MAP4: variants seen among roughly 807,000 people sequenced by gnomAD.
The protein encoded by MAP4 is microtubule associated protein 4.
MAP4 carries 76 observed loss-of-function variants against 170.2 expected under a neutral mutation model. The ratio of observed to expected loss-of-function variants is 0.45; its 90% CI spans 0.37 to 0.54. MAP4 has a LOEUF of 0.54. Ranked by LOEUF, MAP4 falls within the 20% of genes least tolerant of loss-of-function variation. The probability of loss-of-function intolerance (pLI) is 0.00; values close to 1 mark genes in which losing one functional copy is unlikely to be tolerated. For missense variants in MAP4, 2,506 were observed against 2,748.0 expected (o/e 0.91, Z 1.97); for synonymous variants, 909 against 994.5 (o/e 0.91, Z 1.62).
At chr3:48,062,534 A>G (rs1482027136) in intron 1 of MAP4, among the ~76,000 whole-genome samples, 1 of 148,200 alleles carries the variant, frequency 6.7e-6, no homozygotes, top group Non-Finnish European at 1.5e-5. Context: ...TATGTACCCC[A>G]TGACTATGTA....
intron 2 of MAP4, among the ~76,000 whole-genome samples, chr3:47,984,073 T>C (rs927425208): frequency 6.6e-6 from 1 of 152,166 alleles, no homozygotes; most frequent in Admixed American, 6.5e-5. Flanking sequence ...GGAAGTCTCA[T>C]TTGCACATAT....
At chr3:47,947,692 T>G (rs1185299224) in intron 3 of MAP4, among the ~76,000 whole-genome samples, 1 of 150,640 alleles carries the variant, frequency 6.6e-6, no homozygotes, top group African/African-American at 2.4e-5. Context: ...GCGCCTGTAG[T>G]CCCAGTTACT....
At chr3:47,949,465 C>CAAA (rs60076214) in intron 3 of MAP4, among the ~76,000 whole-genome samples, 23 of 70,892 alleles carry the variant, frequency 3.2e-4, no homozygotes, top group Admixed American at 5.4e-4. Context: ...GACTGCGTCC[C>CAAA]AAAAAAAAAA....
chr3:47,893,899 G>A (rs955338273), intron 10 of MAP4, among the ~76,000 whole-genome samples: 1 of 151,912 alleles, frequency 6.6e-6, no homozygotes, highest in South Asian at 2.1e-4. Context: ...ACCAAGGTCC[G>A]CATAGGAAAG....
chr3:47,973,704 T>C, intron 3 of MAP4: 1 of 985,414 alleles, frequency 1.0e-6, no homozygotes, highest in Non-Finnish European at 1.2e-6. Context: ...CTTAGACAGC[T>C]ACAGGGACTG....
At chr3:48,008,852 C>A (rs1218094032) in intron 1 of MAP4, among the ~76,000 whole-genome samples, 1 of 152,176 alleles carries the variant, frequency 6.6e-6, no homozygotes, top group Non-Finnish European at 1.5e-5. Flanking sequence ...CTGGCTACGG[C>A]CACTGCTGAG....
chr3:47,949,436 A>C (rs1329576236), intron 3 of MAP4, among the ~76,000 whole-genome samples: 2 of 148,726 alleles, frequency 1.3e-5, no homozygotes, highest in South Asian at 4.4e-4. Context: ...ACTGCACTCC[A>C]ACCTGGGCAA....
At chr3:47,978,351 CTT>C (rs1167144008) in intron 2 of MAP4, among the ~76,000 whole-genome samples, 2 of 152,118 alleles carry the variant, frequency 1.3e-5, no homozygotes, top group African/African-American at 2.4e-5. Context: ...GGGTTTTGCT[CTT>C]GTCACCCAGA....
At chr3:47,947,766 G>A (rs539538594) in intron 3 of MAP4, among the ~76,000 whole-genome samples, 2 of 139,810 alleles carry the variant, frequency 1.4e-5, no homozygotes, top group African/African-American at 2.7e-5. Context: ...AGCCAAGATC[G>A]CACCACTGCA....
chr3:48,026,235 G>A (rs939046777), intron 1 of MAP4, among the ~76,000 whole-genome samples: 1 of 152,094 alleles, frequency 6.6e-6, no homozygotes, highest in Non-Finnish European at 1.5e-5. Context: ...CTTAATCAAG[G>A]ATTTAAGATT....
At chr3:47,968,980 T>C (rs1376613354) in intron 3 of MAP4, among the ~76,000 whole-genome samples, 1 of 152,162 alleles carries the variant, frequency 6.6e-6, no homozygotes, top group Non-Finnish European at 1.5e-5. Flanking sequence ...ACAAATTATA[T>C]AACCTAGATG....
chr3:48,061,590 T>C (rs1439096250), intron 1 of MAP4, among the ~76,000 whole-genome samples: 5 of 152,052 alleles, frequency 3.3e-5, no homozygotes, highest in Admixed American at 6.6e-5. Flanking sequence ...AGTGCCAAGA[T>C]TGCAGCCTCT....
intron 11 of MAP4, among the ~76,000 whole-genome samples, chr3:47,876,734 T>A (rs555682175): frequency 6.6e-6 from 1 of 152,316 alleles, no homozygotes; most frequent in Admixed American, 6.5e-5. Flanking sequence ...AGCTATATGA[T>A]CCACCTTCAA....
At chr3:47,956,036 T>C (rs2100067614) in intron 3 of MAP4, among the ~76,000 whole-genome samples, 2 of 152,182 alleles carry the variant, frequency 1.3e-5, no homozygotes, top group Admixed American at 1.3e-4. Flanking sequence ...TATTGGGTCT[T>C]GGCAGAGACC....
At chr3:47,926,511 T>C (rs1469678852) in intron 4 of MAP4, among the ~76,000 whole-genome samples, 12 of 152,056 alleles carry the variant, frequency 7.9e-5, no homozygotes, top group Non-Finnish European at 1.8e-4. Context: ...CTACTCTATC[T>C]ACTCTACCTA....
At chr3:48,044,614 T>G (rs2100123442) in intron 1 of MAP4, among the ~76,000 whole-genome samples, 1 of 151,472 alleles carries the variant, frequency 6.6e-6, no homozygotes, top group South Asian at 2.1e-4. Flanking sequence ...AATACAAAAA[T>G]TAGCCAGGGG....
At chr3:48,054,736 A>C (rs2100129805) in intron 1 of MAP4, among the ~76,000 whole-genome samples, 1 of 151,580 alleles carries the variant, frequency 6.6e-6, no homozygotes, top group Non-Finnish European at 1.5e-5. Context: ...TGAAACCTGA[A>C]AGCAGAGGTT....
chr3:47,942,039 G>C (rs931518520), intron 3 of MAP4, among the ~76,000 whole-genome samples: 1 of 152,054 alleles, frequency 6.6e-6, no homozygotes, highest in African/African-American at 2.4e-5. Flanking sequence ...AAGTCTGTTA[G>C]TCCAAATCCC....
upstream of MAP4, among the ~76,000 whole-genome samples, chr3:48,017,398 G>T (rs2100108305): frequency 6.6e-6 from 1 of 151,986 alleles, no homozygotes; most frequent in South Asian, 2.1e-4. Flanking sequence ...AAGGAGGGAG[G>T]CAGGCAGGAA....
Sources: allele counts gnomAD v4.1 joint callset (sites outside exome capture counted in the v4.1 genomes callset), GRCh38; gene constraint gnomAD v4.1.1; transcripts MANE v1.5; gene names NCBI Gene and HGNC (gene_info 2026-07-23, HGNC 2026-07-21).